The following KIFAP3 variants were observed in gnomAD, a reference collection of about 807,000 sequenced individuals.
The protein encoded by KIFAP3 is kinesin-associated protein 3.
KIFAP3 carries 68 observed loss-of-function variants against 106.5 expected under a neutral mutation model. That is an observed-to-expected ratio of 0.64 (90% CI 0.53 to 0.78). The LOEUF is 0.78. Ranked by LOEUF, KIFAP3 falls within the 30% of genes least tolerant of loss-of-function variation. The pLI is 0.00. For synonymous variants in KIFAP3, 320 were observed against 311.5 expected (o/e 1.03, Z -0.29); for missense variants, 780 against 941.8 (o/e 0.83, Z 2.25).
upstream of KIFAP3, among the ~76,000 whole-genome samples, chr1:170,075,148 A>G (rs1434074143): frequency 6.6e-6 from 1 of 152,222 alleles, no homozygotes; most frequent in Non-Finnish European, 1.5e-5. Flanking sequence ...AACAAACAAC[A>G]GCAACAAAAA....
chr1:170,026,075 A>G (rs747657066), intron 8 of KIFAP3, among the ~76,000 whole-genome samples: 58 of 152,190 alleles, frequency 3.8e-4, no homozygotes, highest in Non-Finnish European at 1.2e-4. Context: ...CCATATGAAG[A>G]CAAAGGCAGA....
chr1:169,921,749 CCAACTGGT>C lies in KIFAP3; in HGVS notation c.2298_2305del (p.Pro767HisfsTer14). On this transcript the variant is annotated frameshift_variant, in exon 20 of 20. Transcript: ENST00000361580. LOFTEE classifies it high-confidence loss of function. ...TGCTGTGGCAGGGCGTCCAAGAATG[CCAACTGGT>C]TGGCCAAAGCCATCCATTCCAAGGC... 6.2e-7 allele frequency: 1 copy of C among 1,613,740 alleles called. No homozygotes were observed. The highest frequency in any genetic ancestry group is 1.3e-5 in the African/African-American group (1 of 75,006).
chr1:169,971,818 G>C lies in KIFAP3; in HGVS notation c.1983+695C>G, dbSNP rs575022380. On this transcript the variant is annotated intron_variant, in intron 17 of 19. Transcript: ENST00000361580. The stretch of plus-strand genomic sequence containing the variant: ...AATCCAGTTAGAAAAAGAAAGCAAC[G>C]TGGTTGTGCGTAGCAGTATATGCCA... Among the ~76,000 whole-genome samples, 123 of 152,084 alleles carry C rather than the reference G, an allele frequency of 8.1e-4. 1 individual carries two copies. Among genetic ancestry groups the C allele is most frequent in the African/African-American group, 2.8e-3 (117 of 41,542 alleles).
At position 169,921,667 on chromosome 1, in the gene KIFAP3, G is replaced by A; in HGVS notation, c.*9C>T. The A allele has an allele frequency of 6.2e-7, 1 of 1,600,698 alleles. No homozygotes were observed. The highest frequency in any genetic ancestry group is 1.1e-5 in the South Asian group (1 of 90,648). ...TAAGCTGAGATTACACATGGAAACA[G>A]ATACTTTATCAAGATCCATAGCCAT... is the stretch of plus-strand genomic sequence containing the variant. On this transcript the variant is annotated 3_prime_UTR_variant, in exon 20 of 20. Coordinates refer to ENST00000361580, the MANE Select transcript of KIFAP3 (RefSeq NM_014970.4).
chr1:170,019,881 GAAGA>G (rs1024102456), intron 9 of KIFAP3, among the ~76,000 whole-genome samples: 2 of 152,136 alleles, frequency 1.3e-5, no homozygotes, highest in Non-Finnish European at 2.9e-5. Context: ...GATTAGAAAG[GAAGA>G]AACAAAACTT....
intron 7 of KIFAP3, chr1:170,032,285 A>C: frequency 4.9e-6 from 1 of 206,110 alleles, no homozygotes; most frequent in East Asian, 1.0e-4. Context: ...CTATATGTGA[A>C]TATTTTATAT....
chr1:170,016,469 T>G lies in KIFAP3; in HGVS notation c.1176A>C (p.Ala392=). 6.2e-7 allele frequency: 1 copy of G among 1,600,724 alleles called. No individual in the cohort carries two copies. The highest frequency in any genetic ancestry group is 8.5e-7 in the Non-Finnish European group (1 of 1,174,772). Residue 392 remains alanine (A), a synonymous_variant, in exon 10 of 20, where the codon GCA becomes GCC. Coordinates refer to ENST00000361580, the MANE Select transcript of KIFAP3 (RefSeq NM_014970.4). ...VQVGLLPKLT[A]LLGNDNYKQI... The stretch of plus-strand genomic sequence containing the variant: ...AATTTCTAAAAAGCATACCTAGGAG[T>G]GCAGTGAGCTTGGGAAGCAGTCCAA...
At chr1:169,927,754 G>A (rs189475005) in intron 19 of KIFAP3, among the ~76,000 whole-genome samples, 4 of 152,286 alleles carry the variant, frequency 2.6e-5, no homozygotes, top group East Asian at 1.9e-4. Flanking sequence ...AGTGGCTGAC[G>A]AAGAGCAAAT....
At chr1:170,072,438 G>A (rs1475130262) in intron 1 of KIFAP3, among the ~76,000 whole-genome samples, 1 of 152,090 alleles carries the variant, frequency 6.6e-6, no homozygotes, top group African/African-American at 2.4e-5. Flanking sequence ...ATTGTGAGGT[G>A]GGAAAGGGAA....
intron 1 of KIFAP3, among the ~76,000 whole-genome samples, chr1:170,083,873 A>G (rs1672058297): frequency 6.6e-6 from 1 of 152,216 alleles, no homozygotes; most frequent in Non-Finnish European, 1.5e-5. Flanking sequence ...ATATTTTGTT[A>G]GAATCTTATA....
chr1:169,925,274 C>A (rs1663074460), intron 19 of KIFAP3, among the ~76,000 whole-genome samples: 1 of 152,022 alleles, frequency 6.6e-6, no homozygotes, highest in Non-Finnish European at 1.5e-5. Context: ...AAAATAGTGT[C>A]TCTTCCTGAA....
At chr1:169,973,122 T>TATATATATATATATATAA (rs1337198179) in intron 16 of KIFAP3, among the ~76,000 whole-genome samples, 10 of 138,560 alleles carry the variant, frequency 7.2e-5, no homozygotes, top group African/African-American at 2.5e-4. Context: ...TATATATATA[T>TATATATATATATATATAA]AAACAACACA....
Position 170,054,977 on chromosome 1 carries a change from TAAAC to T in KIFAP3, c.164+324_164+327del, listed in dbSNP as rs1284367731. Among the ~76,000 whole-genome samples the T allele has an allele frequency of 5.3e-5, 8 of 152,240 alleles. No homozygotes were observed. In the South Asian group the frequency reaches 8.3e-4, roughly 16 times the overall value. On this transcript the variant is annotated intron_variant, in intron 2 of 19. Transcript: ENST00000361580. Reference sequence around the variant, plus strand: ...TGTATCACAGAACTTAAAGTAAAATTAAACAAACAGACAAACCCAGAAACACATC... The same window carrying T: ...TGTATCACAGAACTTAAAGTAAAATTAAACAGACAAACCCAGAAACACATC...
At chr1:169,964,038 A>AG (rs1267420737) in intron 17 of KIFAP3, among the ~76,000 whole-genome samples, 1 of 152,166 alleles carries the variant, frequency 6.6e-6, no homozygotes, top group Non-Finnish European at 1.5e-5. Context: ...TACTTGAAAT[A>AG]GACTATTCAG....
At chr1:170,052,397 G>A (rs1400221590) in intron 2 of KIFAP3, among the ~76,000 whole-genome samples, 1 of 152,130 alleles carries the variant, frequency 6.6e-6, no homozygotes, top group Non-Finnish European at 1.5e-5. Context: ...ATTCACTGCA[G>A]AATTCTACCA....
At chr1:170,074,233 G>C (rs1291566983) in intron 1 of KIFAP3, among the ~76,000 whole-genome samples, 1 of 152,146 alleles carries the variant, frequency 6.6e-6, no homozygotes, top group Non-Finnish European at 1.5e-5. Flanking sequence ...GCTCCGCCGA[G>C]TCAGGTCAAA....
chr1:169,953,179 T>A (rs142784264), intron 19 of KIFAP3, among the ~76,000 whole-genome samples: 2 of 152,236 alleles, frequency 1.3e-5, no homozygotes, highest in Non-Finnish European at 2.9e-5. Context: ...TAAAAATCTA[T>A]TATATTATTA....
intron 10 of KIFAP3, among the ~76,000 whole-genome samples, chr1:169,997,250 T>C (rs756713748): frequency 7.9e-5 from 12 of 152,136 alleles, no homozygotes; most frequent in African/African-American, 1.9e-4. Context: ...CCTGAAAAGG[T>C]TGTTGTGTGA....
intron 19 of KIFAP3, chr1:169,922,967 G>T: frequency 3.4e-6 from 1 of 294,360 alleles, no homozygotes; most frequent in Non-Finnish European, 5.0e-6. Context: ...TTAAATAAAT[G>T]TGTGAATGCG....
Sources: allele counts gnomAD v4.1 joint callset (sites outside exome capture counted in the v4.1 genomes callset), GRCh38; gene constraint gnomAD v4.1.1; transcripts MANE v1.5; gene names NCBI Gene and HGNC (gene_info 2026-07-23, HGNC 2026-07-21).